Variants in KCNQ1 observed in about 807,000 individuals in gnomAD.
KCNQ1 encodes the protein potassium voltage-gated channel subfamily Q member 1.
KCNQ1 carries 49 observed loss-of-function variants against 72.4 expected under a neutral mutation model. The observed-to-expected ratio is 0.68, with a 90% CI of 0.54 to 0.86. The LOEUF (loss-of-function observed/expected upper bound fraction) is 0.86, where lower values mean the gene tolerates loss of function less well. Among genes scored for constraint, KCNQ1 ranks in the 40% least tolerant of loss-of-function variants. KCNQ1 has a pLI of 0.00. For missense variants in KCNQ1, 790 were observed against 945.1 expected, an observed-to-expected ratio of 0.84 and a Z score of 2.15; for synonymous variants, 450 against 412.6, an observed-to-expected ratio of 1.09 and a Z score of -1.10.
rs760047145 is a variant in KCNQ1 at position 2,572,923 on chromosome 11, C to T, written c.858C>T (p.Asp286=). 87 of 1,613,706 alleles carry T rather than the reference C, an allele frequency of 5.4e-5. No individual in the cohort carries two copies. The Middle Eastern group carries it at 9.9e-4, about 18-fold the overall frequency. Reference sequence around the variant, plus strand: ...ACTTTGTGTACCTGGCTGAGAAGGACGCGGTGAACGAGTCAGGCCGCGTGG... The same window carrying T: ...ACTTTGTGTACCTGGCTGAGAAGGATGCGGTGAACGAGTCAGGCCGCGTGG... ...SSYFVYLAEK[D]AVNESGRVEF... Residue 286 remains aspartate (D), a synonymous_variant, in exon 6 of 16, where the codon GAC becomes GAT. Transcript: ENST00000155840.
rs543054197 is a variant in KCNQ1, at chr11:2,661,943, C to G, written c.1394-18C>G. 4.3e-4 allele frequency: 687 copies of G among 1,614,134 alleles called. 18 individuals carry two copies. In the South Asian group the frequency reaches 7.3e-3, roughly 17 times the overall value. ...TGGGTGGGAGGCCTAACGTGCTGTC[C>G]CCACACTTTCTCCTCAGTAAGGAAG... is the stretch of plus-strand genomic sequence containing the variant. On this transcript the variant is annotated intron_variant, in intron 10 of 15. Coordinates refer to ENST00000155840, the MANE Select transcript of KCNQ1 (RefSeq NM_000218.3). The surrounding 1 kb of genome is among the most constrained non-coding windows in gnomAD (Gnocchi z 5.9).
chr11:2,686,232 C>T, intron 11 of KCNQ1: 2 of 398,754 alleles, frequency 5.0e-6, no homozygotes, highest in Non-Finnish European at 8.8e-6. Context: ...ACCTTTAGGC[C>T]TTGGGATAGC....
chr11:2,591,655 C>T (rs1848672170), intron 10 of KCNQ1, among the ~76,000 whole-genome samples: 1 of 152,260 alleles, frequency 6.6e-6, no homozygotes, highest in Admixed American at 6.5e-5. Flanking sequence ...TCGATGCCGT[C>T]CATTCAGCCT....
At chr11:2,534,950 G>A (rs533361355) in intron 2 of KCNQ1, among the ~76,000 whole-genome samples, 2 of 152,332 alleles carry the variant, frequency 1.3e-5, no homozygotes, top group African/African-American at 4.8e-5. Flanking sequence ...GTGTATGTGC[G>A]GGCTGGAGCC....
chr11:2,682,302 C>T lies in KCNQ1; in HGVS notation c.1514+20221C>T, dbSNP rs375427674. ...GGCTGTAAAAAATCACATACCTCCC[C>T]TCCCATTCTTAATGTGTAACTGTGT... On this transcript the variant is annotated intron_variant, in intron 11 of 15. Coordinates refer to ENST00000155840, the MANE Select transcript of KCNQ1 (RefSeq NM_000218.3). This position sits in a 1 kb window ranked among gnomAD's most constrained non-coding sequence, Gnocchi z 5.8. 2.8e-5 allele frequency: 11 copies of T among 398,628 alleles called. No individual in the cohort carries two copies. The East Asian group carries it at 3.9e-4, about 14-fold the overall frequency. 24.7% of individuals were successfully genotyped at this position (398,628 alleles called of 1,614,324 possible).
At chr11:2,739,174 C>G (rs1456320447) in intron 11 of KCNQ1, among the ~76,000 whole-genome samples, 1 of 152,188 alleles carries the variant, frequency 6.6e-6, no homozygotes, top group African/African-American at 2.4e-5. Flanking sequence ...CCCAGCATGT[C>G]TGGGAGGGCC....
Position 2,458,740 on chromosome 11 carries a change from G to C in KCNQ1, c.386+13256G>C, listed in dbSNP as rs116132632. ...AAGTACAAGTTTACTGGAAATACTC[G>C]GGCCAGAGGAACGCGCTAAATGATA... On this transcript the variant is annotated intron_variant, in intron 1 of 15. Coordinates refer to ENST00000155840, the MANE Select transcript of KCNQ1 (RefSeq NM_000218.3). The surrounding 1 kb of genome is among the most constrained non-coding windows in gnomAD (Gnocchi z 4.6). Among the ~76,000 whole-genome samples, 3 of 152,102 alleles carry C rather than the reference G, an allele frequency of 2.0e-5. No individual in the cohort carries two copies. The highest frequency in any genetic ancestry group is 4.4e-5 in the Non-Finnish European group (3 of 68,024).
rs1848913197 is a variant in KCNQ1 at position 2,608,228 on chromosome 11, C to CA, written c.1393+19375dup. On this transcript the variant is annotated intron_variant, in intron 10 of 15. Transcript: ENST00000155840. The surrounding 1 kb of genome is among the most constrained non-coding windows in gnomAD (Gnocchi z 4.6). Reference sequence around the variant, plus strand: ...TCTTTAGATATTTGTTAGATTCACTCATCTGGCCCTCTTGGGCTTTTCTTT... The same window carrying CA: ...TCTTTAGATATTTGTTAGATTCACTCAATCTGGCCCTCTTGGGCTTTTCTTT... 2 of 395,586 alleles carry CA rather than the reference C, an allele frequency of 5.1e-6. No individual in the cohort carries two copies. The highest frequency in any genetic ancestry group is 2.1e-5 in the African/African-American group (1 of 48,542). The allele number at this position is 395,586 out of a possible 1,614,324, so 24.5% of individuals were successfully genotyped here. A position where few individuals can be genotyped will look rare whatever the true frequency, so the allele number is the denominator to read the frequency against.
At chr11:2,615,634 T>A (rs2133796514) in intron 10 of KCNQ1, 1 of 398,106 alleles carries the variant, frequency 2.5e-6, no homozygotes, top group South Asian at 1.3e-4. Context: ...TGAATTGAAA[T>A]GATTGCATGG....
At chr11:2,556,503 C>T (rs1056672016) in intron 2 of KCNQ1, among the ~76,000 whole-genome samples, 3 of 152,224 alleles carry the variant, frequency 2.0e-5, no homozygotes, top group African/African-American at 7.2e-5. Context: ...CATCTCATCT[C>T]TGGCTGTTTT....
intron 2 of KCNQ1, among the ~76,000 whole-genome samples, chr11:2,535,806 G>C (rs1431510312): frequency 6.6e-6 from 1 of 152,234 alleles, no homozygotes; most frequent in South Asian, 2.1e-4. Flanking sequence ...TTTGCTGGGC[G>C]TAGGATCAGC....
intron 11 of KCNQ1, among the ~76,000 whole-genome samples, chr11:2,728,935 G>C (rs1022788716): frequency 2.6e-5 from 4 of 152,264 alleles, no homozygotes; most frequent in Non-Finnish European, 5.9e-5. Flanking sequence ...ATTTGGGGCA[G>C]ATAGCGGGGT....
In KCNQ1 at chr11:2,783,071, C is replaced by A. The variant is rs572454713; in HGVS notation, c.1794+5034C>A. On this transcript the variant is annotated intron_variant, in intron 15 of 15. Coordinates refer to ENST00000155840, the MANE Select transcript of KCNQ1 (RefSeq NM_000218.3). This position sits in a 1 kb window ranked among gnomAD's most constrained non-coding sequence, Gnocchi z 5.2. ...TTTCTAACCACTGTCAATCTCATGG[C>A]TTTCTAAATTTTTAAGGTATGCATT... Among the ~76,000 whole-genome samples the A allele has an allele frequency of 3.9e-5, 6 of 152,132 alleles. No homozygotes were observed. Among genetic ancestry groups the A allele is most frequent in the Non-Finnish European group, 7.4e-5 (5 of 67,996 alleles).
In KCNQ1 at chr11:2,734,007, G is replaced by A. The variant is rs77376282; in HGVS notation, c.1515-34837G>A. 0.053 allele frequency among the ~76,000 whole-genome samples: 8,085 copies of A among 151,934 alleles called. 620 individuals carry two copies. The highest frequency in any genetic ancestry group is 0.17 in the African/African-American group (7,021 of 41,334). ...GCTTCCCCTGAACATCCTCCTCAGA[G>A]CAGTTGCGCGCTCTAAATCAGGACC... On this transcript the variant is annotated intron_variant, in intron 11 of 15. Coordinates refer to ENST00000155840, the MANE Select transcript of KCNQ1 (RefSeq NM_000218.3). This position sits in a 1 kb window ranked among gnomAD's most constrained non-coding sequence, Gnocchi z 7.0.
rs1235265495 is a variant in KCNQ1, at chr11:2,724,343, G to A, written c.1515-44501G>A. ...GCCCTAAATCCTCAGGAGTGACAGCGTCCTCCCGCCCGGATTGGGTTTCTG... is the reference window on the plus strand; with the variant it reads ...GCCCTAAATCCTCAGGAGTGACAGCATCCTCCCGCCCGGATTGGGTTTCTG... On this transcript the variant is annotated intron_variant, in intron 11 of 15. Coordinates refer to ENST00000155840, the MANE Select transcript of KCNQ1 (RefSeq NM_000218.3). The surrounding 1 kb of genome is among the most constrained non-coding windows in gnomAD (Gnocchi z 6.8). Among the ~76,000 whole-genome samples, 3 of 152,154 alleles carry A rather than the reference G, an allele frequency of 2.0e-5. No individual in the cohort carries two copies. The highest frequency in any genetic ancestry group is 2.4e-5 in the African/African-American group (1 of 41,430).
rs1484625551 is a variant in KCNQ1 at position 2,450,809 on chromosome 11, G to T, written c.386+5325G>T. Among the ~76,000 whole-genome samples the T allele has an allele frequency of 6.6e-6, 1 of 152,182 alleles. No individual in the cohort carries two copies. Among genetic ancestry groups the T allele is most frequent in the Non-Finnish European group, 1.5e-5 (1 of 68,024 alleles). On this transcript the variant is annotated intron_variant, in intron 1 of 15. Transcript: ENST00000155840. The surrounding 1 kb of genome is among the most constrained non-coding windows in gnomAD (Gnocchi z 7.9). ...AGGGATGCCGCGTGACCCTAGTCCA[G>T]GGGGCCGCTTTTACACGAGGCATCT...
rs1293042427 is a variant in KCNQ1, at chr11:2,748,895, C to T, written c.1515-19949C>T. On this transcript the variant is annotated intron_variant, in intron 11 of 15. Transcript: ENST00000155840. This position sits in a 1 kb window ranked among gnomAD's most constrained non-coding sequence, Gnocchi z 6.2. ...GGGCAGCCCCAGACCTCCAGAGTGC[C>T]CTCTTCCCCTCTTTGCGGTTGTCAC... Among the ~76,000 whole-genome samples the T allele has an allele frequency of 1.3e-5, 2 of 152,222 alleles. No homozygotes were observed. The highest frequency in any genetic ancestry group is 2.9e-5 in the Non-Finnish European group (2 of 68,034).
Position 2,776,869 on chromosome 11 carries a change from G to A in KCNQ1, c.1686-117G>A. The stretch of plus-strand genomic sequence containing the variant: ...CCTTAGGGTCGGGGGTGTCCCCAGA[G>A]TGGGTGGACAGTCCACTGTCTTGCC... On this transcript the variant is annotated intron_variant, in intron 13 of 15. Coordinates refer to ENST00000155840, the MANE Select transcript of KCNQ1 (RefSeq NM_000218.3). 3.0e-6 allele frequency: 3 copies of A among 1,009,034 alleles called. No individual in the cohort carries two copies. The Admixed American group carries it at 5.8e-5, about 19-fold the overall frequency. The allele number at this position is 1,009,034 out of a possible 1,614,324, so 62.5% of individuals were successfully genotyped here. A position where few individuals can be genotyped will look rare whatever the true frequency, so the allele number is the denominator to read the frequency against.
intron 15 of KCNQ1, among the ~76,000 whole-genome samples, chr11:2,780,054 A>G (rs163145): frequency 1 from 151,870 of 152,306 alleles, 75,718 homozygotes; most frequent in Middle Eastern, 1. Flanking sequence ...GCTCCCTGCC[A>G]TTACATTCGA....
Sources: allele counts gnomAD v4.1 joint callset (sites outside exome capture counted in the v4.1 genomes callset), GRCh38; gene constraint gnomAD v4.1.1; non-coding constraint Gnocchi (gnomAD v3.1); transcripts MANE v1.5; gene names NCBI Gene and HGNC (gene_info 2026-07-23, HGNC 2026-07-21).